Variants in IL1RAP observed in about 807,000 individuals in gnomAD.
IL1RAP encodes the protein interleukin 1 receptor accessory protein, also known as interleukin-1 receptor accessory protein.
In IL1RAP, 35 loss-of-function variants were observed where a neutral mutation model predicts 60.7. That is an observed-to-expected ratio of 0.58 (90% CI 0.44 to 0.76). The LOEUF is 0.76. Among genes scored for constraint, IL1RAP ranks in the 30% least tolerant of loss-of-function variants. IL1RAP has a pLI of 0.00. For synonymous variants in IL1RAP, 268 were observed against 250.9 expected (o/e 1.07, Z -0.64); for missense variants, 572 against 693.9 (o/e 0.82, Z 1.97).
rs143361662 is a variant in IL1RAP, at chr3:190,570,840, G to A, written c.64+6487G>A. Reference sequence around the variant, plus strand: ...CTCAGCCTCCCAAAGTGCTGGAATGGCAGGCTACTTTCATATTTTTTTTAA... The same window carrying A: ...CTCAGCCTCCCAAAGTGCTGGAATGACAGGCTACTTTCATATTTTTTTTAA... On this transcript the variant is annotated intron_variant, in intron 3 of 11. Transcript: ENST00000447382. 7.0e-3 allele frequency among the ~76,000 whole-genome samples: 1,067 copies of A among 152,180 alleles called. 18 individuals are homozygous for A. The highest frequency in any genetic ancestry group is 0.025 in the African/African-American group (1,018 of 41,524).
At chr3:190,578,904 C>T (rs947199708) in intron 3 of IL1RAP, among the ~76,000 whole-genome samples, 1 of 152,188 alleles carries the variant, frequency 6.6e-6, no homozygotes, top group Non-Finnish European at 1.5e-5. Context: ...AAACCCGCAC[C>T]TGTGATTCAA....
At chr3:190,559,532 A>C (rs1327395990) in intron 2 of IL1RAP, among the ~76,000 whole-genome samples, 1 of 152,158 alleles carries the variant, frequency 6.6e-6, no homozygotes, top group East Asian at 1.9e-4. Context: ...ATTATCCTCT[A>C]ATCACTACAT....
chr3:190,526,632 A>G (rs1722535957), intron 1 of IL1RAP, among the ~76,000 whole-genome samples: 1 of 152,220 alleles, frequency 6.6e-6, no homozygotes, highest in Non-Finnish European at 1.5e-5. Flanking sequence ...TTGTTGGCAC[A>G]AATGTAGGGC....
In IL1RAP at chr3:190,539,678, AAAAT is replaced by A. The variant is rs1293572397; in HGVS notation, c.-88-16445_-88-16442del. Among the ~76,000 whole-genome samples the A allele has an allele frequency of 3.3e-5, 5 of 151,626 alleles. No individual in the cohort carries two copies. The East Asian group carries it at 7.7e-4, about 23-fold the overall frequency. On this transcript the variant is annotated intron_variant, in intron 1 of 11. Coordinates refer to ENST00000447382, the MANE Select transcript of IL1RAP (RefSeq NM_002182.4). The stretch of plus-strand genomic sequence containing the variant: ...AAATTACAGTGTGTATAAATATGTA[AAAAT>A]AAATAAGGATAAATTAAAAATAAAA...
intron 2 of IL1RAP, among the ~76,000 whole-genome samples, chr3:190,557,956 T>C (rs1725565172): frequency 6.6e-6 from 1 of 152,136 alleles, no homozygotes. Flanking sequence ...TCTCCCATTA[T>C]CCCTAACCCC....
chr3:190,575,167 G>GA (rs762746353), intron 3 of IL1RAP, among the ~76,000 whole-genome samples: 34 of 152,132 alleles, frequency 2.2e-4, no homozygotes, highest in Non-Finnish European at 4.1e-4. Flanking sequence ...GATTAGATGT[G>GA]AAACCCAGTT....
chr3:190,531,009 A>G (rs1273775491), intron 1 of IL1RAP, among the ~76,000 whole-genome samples: 1 of 152,162 alleles, frequency 6.6e-6, no homozygotes, highest in East Asian at 1.9e-4. Flanking sequence ...GCACCATTCT[A>G]TTGCTCAACT....
chr3:190,594,552 T>C (rs1350172252), intron 3 of IL1RAP, among the ~76,000 whole-genome samples: 1 of 152,210 alleles, frequency 6.6e-6, no homozygotes, highest in African/African-American at 2.4e-5. Flanking sequence ...GGATCTACCA[T>C]ATGACAAATT....
chr3:190,593,378 T>C (rs1218206658), intron 3 of IL1RAP, among the ~76,000 whole-genome samples: 1 of 152,236 alleles, frequency 6.6e-6, no homozygotes, highest in Non-Finnish European at 1.5e-5. Flanking sequence ...AGTCAGTGAA[T>C]GTGAATTTTC....
intron 3 of IL1RAP, among the ~76,000 whole-genome samples, chr3:190,592,011 C>T (rs1015642466): frequency 1.3e-5 from 2 of 152,002 alleles, no homozygotes; most frequent in Non-Finnish European, 2.9e-5. Context: ...ACTCAGAATT[C>T]GTTCTTTTGG....
At chr3:190,579,149 T>G (rs1727766051) in intron 3 of IL1RAP, among the ~76,000 whole-genome samples, 1 of 152,234 alleles carries the variant, frequency 6.6e-6, no homozygotes, top group Non-Finnish European at 1.5e-5. Flanking sequence ...CTACAGAACA[T>G]AGTAAGCTAG....
chr3:190,630,054 A>T lies in IL1RAP; in HGVS notation c.1051+556A>T, dbSNP rs1732650882. On this transcript the variant is annotated intron_variant, in intron 9 of 11. Coordinates refer to ENST00000447382, the MANE Select transcript of IL1RAP (RefSeq NM_002182.4). ...GCCATCCAATTGTATGCAACTAATT[A>T]AGGTATTGAATGTTTATTTTCCAAA... 5 of 795,382 alleles carry T rather than the reference A, an allele frequency of 6.3e-6. No homozygotes were observed. The Admixed American group carries it at 3.1e-4, about 50-fold the overall frequency. 49.3% of individuals were successfully genotyped at this position (795,382 alleles called of 1,614,324 possible). A position where few individuals can be genotyped will look rare whatever the true frequency, so the allele number is the denominator to read the frequency against.
chr3:190,514,444 G>C (rs1187686169), intron 1 of IL1RAP, among the ~76,000 whole-genome samples: 2 of 152,184 alleles, frequency 1.3e-5, no homozygotes, highest in African/African-American at 2.4e-5. Context: ...AGGGATTTAA[G>C]TAACGCGGTT....
rs774016242 is a variant in IL1RAP, at chr3:190,648,700, G to T, written c.1708G>T (p.Val570Leu). Residue 570 changes from valine to leucine, a missense_variant, in exon 12 of 12, where the codon GTA becomes TTA. By Grantham distance (32) the Val-to-Leu change is conservative. Transcript: ENST00000447382. ...CCTCTCGTATTCATCTTTGAAAAAT[G>T]TATGAAAGGAATAATGAAAAGGGTA... ...QGLSYSSLKN[V>L] is the part of the protein sequence containing the mutation. 60 of 1,607,444 alleles carry T rather than the reference G, an allele frequency of 3.7e-5. No individual in the cohort carries two copies. The highest frequency in any genetic ancestry group is 5.0e-5 in the Non-Finnish European group (59 of 1,177,520).
chr3:190,657,198 T>C (rs1318451029), exon 12 of IL1RAP: 3 of 152,256 alleles, frequency 2.0e-5, no homozygotes, highest in Non-Finnish European at 4.4e-5. Flanking sequence ...TTTTACGTCA[T>C]TTTATTTGTA....
intron 1 of IL1RAP, among the ~76,000 whole-genome samples, chr3:190,550,006 G>A (rs1724723841): frequency 6.6e-6 from 1 of 152,172 alleles, no homozygotes; most frequent in Non-Finnish European, 1.5e-5. Context: ...AGGGAGAGAA[G>A]GAAGAGTGTC....
At chr3:190,564,880 A>T (rs548155699) in intron 3 of IL1RAP, among the ~76,000 whole-genome samples, 1 of 152,294 alleles carries the variant, frequency 6.6e-6, no homozygotes, top group East Asian at 1.9e-4. Context: ...ATAGAGTTTG[A>T]AAACCAAACT....
At chr3:190,615,720 T>C (rs1299676863) in intron 5 of IL1RAP, among the ~76,000 whole-genome samples, 2 of 13,798 alleles carry the variant, frequency 1.4e-4, no homozygotes, top group Non-Finnish European at 2.1e-4. Context: ...TTTTCATTTT[T>C]ATTGTGGTCA....
intron 5 of IL1RAP, among the ~76,000 whole-genome samples, chr3:190,614,127 C>G (rs947454208): frequency 6.6e-6 from 1 of 151,606 alleles, no homozygotes; most frequent in Non-Finnish European, 1.5e-5. Flanking sequence ...TTGTTACCAA[C>G]AGAGGTTCCT....
Sources: gnomAD v4.1 joint callset for allele counts (sites outside exome capture counted in the v4.1 genomes callset) on GRCh38, gnomAD v4.1.1 for gene constraint, MANE v1.5 for transcripts, NCBI Gene and HGNC (gene_info 2026-07-23, HGNC 2026-07-21) for gene names.